FNDC3B: variants seen among roughly 807,000 people sequenced by gnomAD.
The protein encoded by FNDC3B is fibronectin type III domain-containing protein 3B.
In FNDC3B, 12 loss-of-function variants were observed where a neutral mutation model predicts 151.5. The ratio of observed to expected loss-of-function variants is 0.08; its 90% CI spans 0.05 to 0.13. FNDC3B has a LOEUF of 0.13. FNDC3B is among the 10% of genes least tolerant of loss of function. The probability of loss-of-function intolerance (pLI) is 1.00; values close to 1 mark genes in which losing one functional copy is unlikely to be tolerated. For missense variants in FNDC3B, 1,214 were observed against 1,505.3 expected (o/e 0.81, Z 3.20); for synonymous variants, 528 against 549.0 (o/e 0.96, Z 0.54).
intron 9 of FNDC3B, among the ~76,000 whole-genome samples, chr3:172,303,904 T>G (rs1731061493): frequency 6.6e-6 from 1 of 152,210 alleles, no homozygotes; most frequent in Non-Finnish European, 1.5e-5. Flanking sequence ...TGGTGCCAAT[T>G]TTTGTACTAT....
chr3:172,041,882 T>C (rs1716097539), intron 1 of FNDC3B, among the ~76,000 whole-genome samples: 1 of 152,020 alleles, frequency 6.6e-6, no homozygotes, highest in African/African-American at 2.4e-5. Flanking sequence ...GAGGATAAAG[T>C]CTCTGGGCAT....
intron 3 of FNDC3B, among the ~76,000 whole-genome samples, chr3:172,174,040 G>A (rs924338976): frequency 5.3e-5 from 8 of 152,142 alleles, no homozygotes; most frequent in Non-Finnish European, 1.5e-5. Context: ...TGCCCATTGC[G>A]GGAAATGTGT....
At chr3:172,252,223 T>C (rs2108777183) in intron 6 of FNDC3B, among the ~76,000 whole-genome samples, 1 of 152,250 alleles carries the variant, frequency 6.6e-6, no homozygotes, top group African/African-American at 2.4e-5. Context: ...GAACCTATTT[T>C]GATGCCACAT....
Position 172,149,806 on chromosome 3 carries a change from G to GTTTTT in FNDC3B, c.187+16286_187+16290dup, listed in dbSNP as rs10561622. 4.0e-3 allele frequency among the ~76,000 whole-genome samples: 212 copies of GTTTTT among 52,506 alleles called. 43 individuals carry two copies. The highest frequency in any genetic ancestry group is 0.014 in the African/African-American group (182 of 12,774). 34.4% of individuals were successfully genotyped at this position (52,506 alleles called of 152,430 possible). On this transcript the variant is annotated intron_variant, in intron 3 of 25. Transcript: ENST00000415807. ...TGTGTATACCTTTTGTATGTTGGGT[G>GTTTTT]TTTTTTTTTTTTTTTTTTTTTTTTT...
chr3:172,059,273 G>T (rs77941433), intron 1 of FNDC3B, among the ~76,000 whole-genome samples: 3 of 151,928 alleles, frequency 2.0e-5, no homozygotes, highest in African/African-American at 7.2e-5. Context: ...TAAAAAAAAA[G>T]AGTGAGGTTT....
intron 6 of FNDC3B, among the ~76,000 whole-genome samples, chr3:172,254,835 A>G (rs927656244): frequency 3.3e-5 from 5 of 152,186 alleles, no homozygotes; most frequent in Admixed American, 1.3e-4. Flanking sequence ...TTAGTATTAG[A>G]CATATAGTAC....
At chr3:172,087,034 GT>G (rs974007041) in intron 1 of FNDC3B, among the ~76,000 whole-genome samples, 2 of 152,158 alleles carry the variant, frequency 1.3e-5, no homozygotes, top group African/African-American at 2.4e-5. Flanking sequence ...AGAGTTTATA[GT>G]TCCATTTCTT....
intron 4 of FNDC3B, among the ~76,000 whole-genome samples, chr3:172,241,178 C>T (rs1300006792): frequency 6.6e-6 from 1 of 152,146 alleles, no homozygotes; most frequent in African/African-American, 2.4e-5. Flanking sequence ...TCAGGCAAGG[C>T]TTGTAGAACT....
At chr3:172,300,979 T>A (rs184575535) in intron 9 of FNDC3B, among the ~76,000 whole-genome samples, 4 of 152,342 alleles carry the variant, frequency 2.6e-5, no homozygotes, top group East Asian at 3.9e-4. Context: ...AGATGTAGCT[T>A]CCTCTGCCTT....
At chr3:172,298,891 G>A in intron 9 of FNDC3B, 104 bp downstream of exon 9, 1 of 727,246 alleles carries the variant, frequency 1.4e-6, no homozygotes, top group Non-Finnish European at 2.3e-6. Context: ...TTACCTTGCT[G>A]AAAGTTGTAG....
chr3:172,219,815 G>C (rs6779857), intron 3 of FNDC3B, among the ~76,000 whole-genome samples: 1 of 152,098 alleles, frequency 6.6e-6, no homozygotes, highest in African/African-American at 2.4e-5. Context: ...TGGTGGAGTA[G>C]TATTCTATGG....
intron 10 of FNDC3B, among the ~76,000 whole-genome samples, chr3:172,309,883 G>A (rs546410725): frequency 6.6e-6 from 1 of 152,262 alleles, no homozygotes; most frequent in African/African-American, 2.4e-5. Flanking sequence ...CAGACCACAT[G>A]CGACAAACAG....
chr3:172,079,710 G>A (rs1405497596), intron 1 of FNDC3B, among the ~76,000 whole-genome samples: 4 of 152,204 alleles, frequency 2.6e-5, no homozygotes, highest in Non-Finnish European at 4.4e-5. Flanking sequence ...GAGGTGCTGG[G>A]TGTGGAGAGG....
At chr3:172,222,072 T>C (rs775762076) in intron 3 of FNDC3B, among the ~76,000 whole-genome samples, 1 of 152,218 alleles carries the variant, frequency 6.6e-6, no homozygotes, top group Non-Finnish European at 1.5e-5. Context: ...TATGTTGTGA[T>C]GTCAACTCCT....
intron 6 of FNDC3B, among the ~76,000 whole-genome samples, chr3:172,283,601 T>A (rs1240401746): frequency 6.6e-6 from 1 of 152,198 alleles, no homozygotes; most frequent in Non-Finnish European, 1.5e-5. Flanking sequence ...TTCAGCTGGT[T>A]GTTTGAACAT....
chr3:172,345,657 T>TA (rs1381777945), intron 19 of FNDC3B, among the ~76,000 whole-genome samples: 1 of 152,178 alleles, frequency 6.6e-6, no homozygotes, highest in African/African-American at 2.4e-5. Context: ...GGCAAGTTTT[T>TA]ACTCTGCTCC....
At chr3:172,070,156 A>G (rs1010758244) in intron 1 of FNDC3B, among the ~76,000 whole-genome samples, 1 of 152,166 alleles carries the variant, frequency 6.6e-6, no homozygotes, top group African/African-American at 2.4e-5. Context: ...TATCTTCTGC[A>G]CTTTTGAAAT....
intron 17 of FNDC3B, among the ~76,000 whole-genome samples, chr3:172,342,122 G>C (rs936379878): frequency 1.3e-5 from 2 of 152,180 alleles, no homozygotes; most frequent in South Asian, 2.1e-4. Flanking sequence ...AACTTTTCTA[G>C]TCAACCCACT....
chr3:172,044,563 C>T (rs763976328), intron 1 of FNDC3B, among the ~76,000 whole-genome samples: 2 of 152,076 alleles, frequency 1.3e-5, no homozygotes, highest in Non-Finnish European at 2.9e-5. Flanking sequence ...CTTTGAAAAT[C>T]GTTAATTCAA....
Sources: gnomAD v4.1 joint callset for allele counts (sites outside exome capture counted in the v4.1 genomes callset) on GRCh38, gnomAD v4.1.1 for gene constraint, MANE v1.5 for transcripts, NCBI Gene and HGNC (gene_info 2026-07-23, HGNC 2026-07-21) for gene names.